The following DGKB variants were observed in gnomAD, a reference collection of about 807,000 sequenced individuals.
The protein encoded by DGKB is diacylglycerol kinase beta.
DGKB carries 67 observed loss-of-function variants against 114.3 expected under a neutral mutation model. The observed-to-expected ratio is 0.59, with a 90% CI of 0.48 to 0.72. The LOEUF is 0.72. Among genes scored for constraint, DGKB ranks in the 30% least tolerant of loss-of-function variants. DGKB has a pLI of 0.00. For missense variants in DGKB, 907 were observed against 975.2 expected (o/e 0.93, Z 0.93); for synonymous variants, 398 against 323.1 (o/e 1.23, Z -2.49).
intron 20 of DGKB, among the ~76,000 whole-genome samples, chr7:14,559,131 C>A (rs182047317): frequency 5.7e-4 from 87 of 152,194 alleles, no homozygotes; most frequent in Admixed American, 2.4e-3. Flanking sequence ...TGACTTTTTT[C>A]AAAAATGTAG....
chr7:14,216,400 C>A (rs1788965880), intron 23 of DGKB, among the ~76,000 whole-genome samples: 1 of 151,652 alleles, frequency 6.6e-6, no homozygotes. Context: ...TATTATGAAC[C>A]CAAATTATAG....
chr7:14,679,962 T>C (rs1224562005), intron 12 of DGKB, among the ~76,000 whole-genome samples: 1 of 152,014 alleles, frequency 6.6e-6, no homozygotes, highest in Non-Finnish European at 1.5e-5. Flanking sequence ...GAAGTGACTT[T>C]TGAGAAACTG....
chr7:14,942,776 A>G (rs1785638934), intron 1 of DGKB, among the ~76,000 whole-genome samples: 1 of 152,062 alleles, frequency 6.6e-6, no homozygotes, highest in Admixed American at 6.6e-5. Context: ...GTCCTCAATA[A>G]AAATTCAATA....
At chr7:14,385,031 A>G (rs1473848490) in intron 21 of DGKB, among the ~76,000 whole-genome samples, 1 of 152,144 alleles carries the variant, frequency 6.6e-6, no homozygotes, top group Non-Finnish European at 1.5e-5. Flanking sequence ...CGGTAAAAAT[A>G]ATTGTGGCAT....
chr7:14,799,981 A>G (rs1038745640), intron 2 of DGKB, among the ~76,000 whole-genome samples: 4 of 151,514 alleles, frequency 2.6e-5, no homozygotes, highest in African/African-American at 9.7e-5. Context: ...CAGTGGCGCC[A>G]TCTTGGCTTA....
intron 21 of DGKB, among the ~76,000 whole-genome samples, chr7:14,375,821 C>T (rs995176804): frequency 2.6e-5 from 4 of 152,296 alleles, no homozygotes; most frequent in South Asian, 2.1e-4. Flanking sequence ...TCTTGCAAGG[C>T]TAAATCCTCA....
At chr7:14,290,169 G>A (rs1361811117) in intron 23 of DGKB, among the ~76,000 whole-genome samples, 12 of 152,160 alleles carry the variant, frequency 7.9e-5, no homozygotes, top group African/African-American at 2.4e-4. Context: ...GAAAAGCTGT[G>A]TGCCTCATTC....
intron 1 of DGKB, among the ~76,000 whole-genome samples, chr7:14,846,832 C>A (rs191656025): frequency 6.6e-6 from 1 of 152,138 alleles, no homozygotes; most frequent in Non-Finnish European, 1.5e-5. Flanking sequence ...TATAATTAGG[C>A]GAGAAATCAA....
chr7:14,707,811 C>T (rs1228533383), intron 6 of DGKB, among the ~76,000 whole-genome samples: 13 of 52,206 alleles, frequency 2.5e-4, no homozygotes, highest in African/African-American at 7.4e-4. Context: ...ATCGATGGGA[C>T]GTATTTCAAA....
chr7:14,831,145 A>G (rs1846360919), intron 2 of DGKB, among the ~76,000 whole-genome samples: 1 of 151,950 alleles, frequency 6.6e-6, no homozygotes, highest in Non-Finnish European at 1.5e-5. Context: ...GAACCTAGTC[A>G]TAGGGCAAAG....
intron 14 of DGKB, among the ~76,000 whole-genome samples, chr7:14,623,676 G>A (rs1311132696): frequency 6.6e-6 from 1 of 152,122 alleles, no homozygotes; most frequent in Non-Finnish European, 1.5e-5. Context: ...TGCCATAATA[G>A]GATTCCTGAA....
chr7:14,623,048 C>T (rs1256730368), intron 14 of DGKB, among the ~76,000 whole-genome samples: 1 of 152,164 alleles, frequency 6.6e-6, no homozygotes, highest in African/African-American at 2.4e-5. Context: ...AGCAAAAGAA[C>T]TTTCTTTGTG....
intron 21 of DGKB, among the ~76,000 whole-genome samples, chr7:14,397,758 C>CA (rs36035372): frequency 6.6e-5 from 10 of 151,234 alleles, no homozygotes; most frequent in South Asian, 2.1e-4. Context: ...AGCTTTCATG[C>CA]AAAAAAAAGT....
chr7:14,167,940 G>T (rs1246916279), intron 25 of DGKB, among the ~76,000 whole-genome samples: 1 of 152,044 alleles, frequency 6.6e-6, no homozygotes, highest in Non-Finnish European at 1.5e-5. Context: ...ATGAATCACA[G>T]AAAAATCTCA....
rs528400761 is a variant in DGKB at position 14,698,188 on chromosome 7, T to G, written c.517-19A>C. 9.1e-6 allele frequency: 13 copies of G among 1,434,370 alleles called. No homozygotes were observed. In the East Asian group the frequency reaches 3.3e-4, roughly 36 times the overall value. The allele number at this position is 1,434,370 out of a possible 1,614,324, so 88.9% of individuals were successfully genotyped here. A position where few individuals can be genotyped will look rare whatever the true frequency, so the allele number is the denominator to read the frequency against. On this transcript the variant is annotated intron_variant, in intron 7 of 25. Coordinates refer to ENST00000402815, the MANE Select transcript of DGKB (RefSeq NM_001350709.2). ...CTAGCTCCTGGAAGAGAAAGAGAGA[T>G]AAAAAATATGAATACAAGATCTTAG...
chr7:14,453,644 T>C (rs1011806218), intron 21 of DGKB, among the ~76,000 whole-genome samples: 3 of 152,184 alleles, frequency 2.0e-5, no homozygotes, highest in Admixed American at 6.5e-5. Flanking sequence ...TTTCGAACAC[T>C]TTCTCTCAGA....
At chr7:14,775,260 T>C (rs1206118203) in intron 2 of DGKB, among the ~76,000 whole-genome samples, 1 of 152,066 alleles carries the variant, frequency 6.6e-6, no homozygotes, top group African/African-American at 2.4e-5. Context: ...TGAATGGTAA[T>C]TCTTTTATAG....
chr7:14,884,817 T>C (rs1322402849), intron 1 of DGKB, among the ~76,000 whole-genome samples: 1 of 151,990 alleles, frequency 6.6e-6, no homozygotes, highest in Non-Finnish European at 1.5e-5. Context: ...ACAGAAAAGA[T>C]ACTAAATATT....
chr7:14,828,896 G>A (rs1437648080), intron 2 of DGKB, among the ~76,000 whole-genome samples: 1 of 152,144 alleles, frequency 6.6e-6, no homozygotes, highest in African/African-American at 2.4e-5. Context: ...CTGTGCTGAA[G>A]AGCCCCTGAA....
Sources: allele counts gnomAD v4.1 joint callset (sites outside exome capture counted in the v4.1 genomes callset), GRCh38; gene constraint gnomAD v4.1.1; transcripts MANE v1.5; gene names NCBI Gene and HGNC (gene_info 2026-07-23, HGNC 2026-07-21).